The following ARHGEF3 variants were observed in gnomAD, a reference collection of about 807,000 sequenced individuals.
ARHGEF3 encodes the protein 59.8 kDA protein.
Under a neutral mutation model 63.2 loss-of-function variants are expected in ARHGEF3, and 28 were observed. The observed-to-expected ratio is 0.44, with a 90% CI of 0.33 to 0.61. ARHGEF3 has a LOEUF of 0.61. Ranked by LOEUF, ARHGEF3 falls within the 20% of genes least tolerant of loss-of-function variation. The pLI is 0.03. For synonymous variants in ARHGEF3, 266 were observed against 254.2 expected (o/e 1.05, Z -0.44); for missense variants, 533 against 659.3 (o/e 0.81, Z 2.10).
intron 3 of ARHGEF3, among the ~76,000 whole-genome samples, chr3:56,949,206 T>G (rs992972329): frequency 2.0e-5 from 3 of 151,966 alleles, no homozygotes; most frequent in Admixed American, 1.3e-4. Context: ...GCATTCCCTT[T>G]GAAAACTGGC....
intron 2 of ARHGEF3, among the ~76,000 whole-genome samples, chr3:57,032,474 G>A (rs1416153759): frequency 2.0e-5 from 3 of 152,228 alleles, no homozygotes; most frequent in African/African-American, 4.8e-5. Context: ...TACTCCAAGT[G>A]AGAGCACTGG....
intron 2 of ARHGEF3, among the ~76,000 whole-genome samples, chr3:56,763,134 T>A (rs577589847): frequency 6.6e-6 from 1 of 152,262 alleles, no homozygotes; most frequent in East Asian, 1.9e-4. Flanking sequence ...CTGAGAGACC[T>A]TTCATCTCTC....
chr3:56,844,025 A>G (rs1262931542), intron 4 of ARHGEF3, among the ~76,000 whole-genome samples: 1 of 152,238 alleles, frequency 6.6e-6, no homozygotes, highest in Non-Finnish European at 1.5e-5. Context: ...AGAGAATAAT[A>G]TCTACCTTTC....
chr3:56,840,593 A>C (rs1157534338), intron 4 of ARHGEF3, among the ~76,000 whole-genome samples: 1 of 152,216 alleles, frequency 6.6e-6, no homozygotes, highest in Non-Finnish European at 1.5e-5. Flanking sequence ...CACCATAAAC[A>C]ATCAACAAAA....
At chr3:56,756,245 A>G (rs918587568) in intron 2 of ARHGEF3, among the ~76,000 whole-genome samples, 1 of 152,220 alleles carries the variant, frequency 6.6e-6, no homozygotes, top group Non-Finnish European at 1.5e-5. Flanking sequence ...ACTTTGCCAA[A>G]GCAATGAGGT....
intron 1 of ARHGEF3, among the ~76,000 whole-genome samples, chr3:57,051,314 C>T (rs1420175439): frequency 6.6e-6 from 1 of 151,834 alleles, no homozygotes; most frequent in East Asian, 1.9e-4. Context: ...ATGGAGAAAC[C>T]CCATCTCTAC....
chr3:57,049,071 TA>T (rs1704571668), intron 1 of ARHGEF3, among the ~76,000 whole-genome samples: 1 of 152,190 alleles, frequency 6.6e-6, no homozygotes, highest in Non-Finnish European at 1.5e-5. Flanking sequence ...ATCTGAACTT[TA>T]AAGATCCCTC....
chr3:56,888,470 C>T (rs1419335069), intron 3 of ARHGEF3, among the ~76,000 whole-genome samples: 1 of 152,142 alleles, frequency 6.6e-6, no homozygotes, highest in African/African-American at 2.4e-5. Flanking sequence ...GGGAGAAAGG[C>T]AGTTACAGAG....
intron 1 of ARHGEF3, among the ~76,000 whole-genome samples, chr3:56,794,542 G>A (rs2037252101): frequency 6.8e-6 from 1 of 147,378 alleles, no homozygotes; most frequent in Non-Finnish European, 1.5e-5. Context: ...GCTGCAGGAA[G>A]CAATGTTACA....
chr3:56,833,925 C>CT (rs371573429), intron 4 of ARHGEF3, among the ~76,000 whole-genome samples: 2 of 150,568 alleles, frequency 1.3e-5, no homozygotes, highest in South Asian at 2.1e-4. Flanking sequence ...TTTTCCCCCC[C>CT]CAATTTTTAC....
intron 2 of ARHGEF3, among the ~76,000 whole-genome samples, chr3:56,764,901 C>T (rs1286620872): frequency 6.6e-6 from 1 of 151,862 alleles, no homozygotes; most frequent in African/African-American, 2.4e-5. Flanking sequence ...GGATTACAGG[C>T]GCCTGCCACC....
chr3:56,888,493 G>A (rs897137857), intron 3 of ARHGEF3, among the ~76,000 whole-genome samples: 1 of 152,142 alleles, frequency 6.6e-6, no homozygotes, highest in Admixed American at 6.5e-5. Context: ...GAATTTGTGG[G>A]CACAATAGAC....
chr3:56,834,947 T>C (rs943587990), intron 4 of ARHGEF3, among the ~76,000 whole-genome samples: 1 of 152,132 alleles, frequency 6.6e-6, no homozygotes, highest in Admixed American at 6.5e-5. Context: ...GATTTAATAG[T>C]CTTTCTTTAA....
At chr3:56,730,388 CT>C (rs66881414) in intron 9 of ARHGEF3, among the ~76,000 whole-genome samples, 6,068 of 136,990 alleles carry the variant, frequency 0.044, 127 homozygotes, top group African/African-American at 0.086. Context: ...TTTATTTAAT[CT>C]TTTTTTTTTT....
At chr3:56,800,026 T>C (rs1410521635) in intron 1 of ARHGEF3, among the ~76,000 whole-genome samples, 4 of 152,206 alleles carry the variant, frequency 2.6e-5, no homozygotes, top group Admixed American at 1.3e-4. Context: ...AAAATTAATA[T>C]TTGACATGTG....
At chr3:56,964,456 C>T (rs1383638043) in intron 2 of ARHGEF3, among the ~76,000 whole-genome samples, 2 of 152,078 alleles carry the variant, frequency 1.3e-5, no homozygotes, top group Non-Finnish European at 2.9e-5. Flanking sequence ...CTGAGAATGG[C>T]CCCTTAAAGA....
At chr3:56,917,982 G>A (rs780427476) in intron 3 of ARHGEF3, among the ~76,000 whole-genome samples, 3 of 152,212 alleles carry the variant, frequency 2.0e-5, no homozygotes, top group African/African-American at 4.8e-5. Flanking sequence ...CCACTGAGAG[G>A]TGGGTTTCAG....
intron 4 of ARHGEF3, among the ~76,000 whole-genome samples, chr3:56,819,955 G>A (rs150115760): frequency 6.6e-4 from 101 of 151,908 alleles, no homozygotes; most frequent in African/African-American, 2.1e-3. Context: ...GACTACAGGC[G>A]TGCACCACCA....
At chr3:57,012,553 G>A (rs1028259914) in intron 2 of ARHGEF3, among the ~76,000 whole-genome samples, 1 of 152,160 alleles carries the variant, frequency 6.6e-6, no homozygotes, top group Admixed American at 6.5e-5. Context: ...GCCACTGCAC[G>A]TGGCCACTCT....
Sources: allele counts gnomAD v4.1 joint callset (sites outside exome capture counted in the v4.1 genomes callset), GRCh38; gene constraint gnomAD v4.1.1; transcripts MANE v1.5; gene names NCBI Gene and HGNC (gene_info 2026-07-23, HGNC 2026-07-21).